The following PRKN variants were observed in gnomAD, a reference collection of about 807,000 sequenced individuals.
PRKN encodes the protein E3 ubiquitin-protein ligase parkin.
In PRKN, 56 loss-of-function variants were observed where a neutral mutation model predicts 59.5. The ratio of observed to expected loss-of-function variants is 0.94; its 90% CI spans 0.76 to 1.18. PRKN has a LOEUF of 1.18. Ranked by LOEUF, PRKN falls within the 50% of genes most tolerant of loss-of-function variation. The probability of loss-of-function intolerance (pLI) is 0.00; values close to 1 mark genes in which losing one functional copy is unlikely to be tolerated. For synonymous variants in PRKN, 250 were observed against 222.1 expected (o/e 1.13, Z -1.12); for missense variants, 657 against 596.4 (o/e 1.10, Z -1.06).
At chr6:161,431,177 G>A (rs531169853) in intron 9 of PRKN, among the ~76,000 whole-genome samples, 2 of 150,822 alleles carry the variant, frequency 1.3e-5, no homozygotes, top group East Asian at 3.9e-4. Flanking sequence ...TAAAATCTAC[G>A]TTTTCCCATG....
At chr6:161,750,403 C>A (rs1011746183) in intron 7 of PRKN, among the ~76,000 whole-genome samples, 2 of 152,064 alleles carry the variant, frequency 1.3e-5, no homozygotes, top group African/African-American at 4.8e-5. Context: ...CTGGTGATCT[C>A]AAATAGCTAT....
chr6:162,512,312 T>C (rs1301432694), intron 1 of PRKN, among the ~76,000 whole-genome samples: 1 of 152,184 alleles, frequency 6.6e-6, no homozygotes, highest in Non-Finnish European at 1.5e-5. Context: ...GCACAAAGTA[T>C]ACCTTTACTC....
chr6:162,480,277 A>G (rs1205870048), intron 1 of PRKN, among the ~76,000 whole-genome samples: 1 of 152,176 alleles, frequency 6.6e-6, no homozygotes, highest in Non-Finnish European at 1.5e-5. Flanking sequence ...TCACTAGGCT[A>G]TAGGAGCTTT....
intron 1 of PRKN, among the ~76,000 whole-genome samples, chr6:162,552,886 G>C (rs1779386270): frequency 6.6e-6 from 1 of 152,138 alleles, no homozygotes; most frequent in South Asian, 2.1e-4. Context: ...AGATGTAGGA[G>C]AAAAACCAGG....
chr6:161,737,552 C>T (rs1429895148), intron 7 of PRKN, among the ~76,000 whole-genome samples: 2 of 152,174 alleles, frequency 1.3e-5, no homozygotes, highest in African/African-American at 2.4e-5. Flanking sequence ...GCATTCAATG[C>T]TGTATGTGCC....
chr6:161,896,753 G>T (rs1777642527), intron 6 of PRKN, among the ~76,000 whole-genome samples: 1 of 152,004 alleles, frequency 6.6e-6, no homozygotes, highest in African/African-American at 2.4e-5. Context: ...TCTTGCCTGT[G>T]GTTCCAGGTT....
rs1422019953 is a variant in PRKN, at chr6:161,428,457, C to T, written c.1084-41580G>A. ...CACACGAGCCTCATGGAGAGACAGGCGGCTGCTCCGTCCATCTTCGAACCT... is the reference window on the plus strand; with the variant it reads ...CACACGAGCCTCATGGAGAGACAGGTGGCTGCTCCGTCCATCTTCGAACCT... On this transcript the variant is annotated intron_variant, in intron 9 of 11. Transcript: ENST00000366898. The surrounding 1 kb of genome is among the most constrained non-coding windows in gnomAD (Gnocchi z 4.0). Among the ~76,000 whole-genome samples the T allele has an allele frequency of 3.3e-5, 5 of 152,076 alleles. No homozygotes were observed. The highest frequency in any genetic ancestry group is 1.3e-4 in the Admixed American group (2 of 15,278).
intron 1 of PRKN, among the ~76,000 whole-genome samples, chr6:162,504,589 C>T (rs1793524458): frequency 2.6e-5 from 4 of 152,068 alleles, no homozygotes; most frequent in Admixed American, 6.5e-5. Context: ...TAAATGAGAC[C>T]TAAATGTGAA....
intron 6 of PRKN, among the ~76,000 whole-genome samples, chr6:161,817,987 G>A (rs1230173065): frequency 6.6e-6 from 1 of 152,166 alleles, no homozygotes; most frequent in African/African-American, 2.4e-5. Flanking sequence ...TAGTCTACTG[G>A]CGTAGGAGCC....
At chr6:161,711,317 A>C (rs1447787376) in intron 7 of PRKN, among the ~76,000 whole-genome samples, 1 of 152,228 alleles carries the variant, frequency 6.6e-6, no homozygotes, top group African/African-American at 2.4e-5. Context: ...AAGCATTGTT[A>C]CTACAGTAAA....
chr6:161,695,115 C>T (rs1374598160), intron 7 of PRKN, among the ~76,000 whole-genome samples: 1 of 152,152 alleles, frequency 6.6e-6, no homozygotes, highest in Non-Finnish European at 1.5e-5. Flanking sequence ...CCTACCAGCC[C>T]CAGGACTGTG....
intron 9 of PRKN, among the ~76,000 whole-genome samples, chr6:161,494,238 C>T (rs1352339045): frequency 6.6e-6 from 1 of 152,180 alleles, no homozygotes; most frequent in Non-Finnish European, 1.5e-5. Context: ...AATACCGTAT[C>T]ATCAGGACTT....
intron 7 of PRKN, among the ~76,000 whole-genome samples, chr6:161,732,990 A>T (rs1787785807): frequency 6.6e-6 from 1 of 152,214 alleles, no homozygotes; most frequent in East Asian, 1.9e-4. Context: ...GGAACCTCTC[A>T]GTAAAGATTG....
intron 1 of PRKN, among the ~76,000 whole-genome samples, chr6:162,660,896 T>C (rs1015639352): frequency 5.9e-5 from 9 of 152,282 alleles, no homozygotes; most frequent in African/African-American, 1.2e-4. Flanking sequence ...AGATGTTTGA[T>C]TTTCAAATTA....
intron 1 of PRKN, among the ~76,000 whole-genome samples, chr6:162,487,220 G>T (rs1249937194): frequency 6.6e-6 from 1 of 152,140 alleles, no homozygotes; most frequent in Non-Finnish European, 1.5e-5. Context: ...TTATTCCTGG[G>T]GTCAGCTTTG....
chr6:162,042,012 A>G (rs1244603463), intron 5 of PRKN, among the ~76,000 whole-genome samples: 1 of 152,116 alleles, frequency 6.6e-6, no homozygotes, highest in Non-Finnish European at 1.5e-5. Flanking sequence ...CATGCAGTAT[A>G]GTTTACATTT....
At chr6:162,214,026 G>C (rs1331826380) in intron 3 of PRKN, among the ~76,000 whole-genome samples, 29 of 151,948 alleles carry the variant, frequency 1.9e-4, no homozygotes, top group Non-Finnish European at 2.9e-5. Context: ...AAAAGGTGTT[G>C]GCTCAATGCT....
rs759309558 is a variant in PRKN at position 162,710,414 on chromosome 6, C to CACACACAA, written c.7+17247_7+17248insTTGTGTGT. 4.0e-4 allele frequency among the ~76,000 whole-genome samples: 60 copies of CACACACAA among 150,078 alleles called. 1 individual carries two copies. The highest frequency in any genetic ancestry group is 1.2e-3 in the African/African-American group (50 of 40,174). The stretch of plus-strand genomic sequence containing the variant: ...ACACACACACACACACACACACACA[C>CACACACAA]AACTGTTTGGTATGATGAGGAAGAA... On this transcript the variant is annotated intron_variant, in intron 1 of 11. Transcript: ENST00000366898.
chr6:162,408,919 T>G (rs1788207183), intron 2 of PRKN, among the ~76,000 whole-genome samples: 1 of 151,206 alleles, frequency 6.6e-6, no homozygotes, highest in Admixed American at 6.6e-5. Flanking sequence ...TCACCTCACT[T>G]TCCCCTCCCC....
Sources: gnomAD v4.1 joint callset for allele counts (sites outside exome capture counted in the v4.1 genomes callset) on GRCh38, gnomAD v4.1.1 for gene constraint, Gnocchi (gnomAD v3.1) non-coding constraint, MANE v1.5 for transcripts, NCBI Gene and HGNC (gene_info 2026-07-23, HGNC 2026-07-21) for gene names.